SEC16B: variants seen among roughly 807,000 people sequenced by gnomAD.
SEC16B encodes protein transport protein Sec16B.
SEC16B carries 115 observed loss-of-function variants against 141.8 expected under a neutral mutation model. The observed-to-expected ratio is 0.81, with a 90% confidence interval of 0.70 to 0.95. The LOEUF is 0.95. SEC16B is among the 40% of genes least tolerant of loss of function. The pLI, the probability that SEC16B is intolerant of heterozygous loss-of-function variation, is 0.00. For missense variants in SEC16B, 1,291 were observed against 1,312.3 expected, an observed-to-expected ratio of 0.98 and a Z score of 0.25; for synonymous variants, 493 against 492.5, an observed-to-expected ratio of 1.00 and a Z score of -0.01.
At chr1:177,967,432 C>T (rs1408142001) in intron 2 of SEC16B, among the ~76,000 whole-genome samples, 3 of 152,154 alleles carry the variant, frequency 2.0e-5, no homozygotes, top group Non-Finnish European at 2.9e-5. Context: ...TCCCCAAGCC[C>T]CCATACCCAG....
intron 14 of SEC16B, chr1:177,945,974 G>A (rs1651670238): frequency 3.6e-6 from 1 of 274,364 alleles, no homozygotes; most frequent in South Asian, 7.3e-5. Flanking sequence ...GTCATTGTAG[G>A]GATGCTAGGG....
At position 177,961,100 on chromosome 1, in the gene SEC16B, C is replaced by T. The variant is rs190469321; in HGVS notation, c.788-161G>A. 3.6e-5 allele frequency: 25 copies of T among 703,622 alleles called. No homozygotes were observed. In the East Asian group the frequency reaches 6.5e-4, roughly 18 times the overall value. 43.6% of individuals were successfully genotyped at this position (703,622 alleles called of 1,614,324 possible). A position where few individuals can be genotyped will look rare whatever the true frequency, so the allele number is the denominator to read the frequency against. Reference sequence around the variant, plus strand: ...TTAGAAGAAGCCCATGTTCCCTGCTCCAGTCAGATTTAAGCCTCTGAGAAG... The same window carrying T: ...TTAGAAGAAGCCCATGTTCCCTGCTTCAGTCAGATTTAAGCCTCTGAGAAG... On this transcript the variant is annotated intron_variant, in intron 6 of 25. Coordinates refer to ENST00000308284, the MANE Select transcript of SEC16B (RefSeq NM_033127.4).
At chr1:177,943,152 C>A (rs1489675724) in intron 15 of SEC16B, among the ~76,000 whole-genome samples, 1 of 151,996 alleles carries the variant, frequency 6.6e-6, no homozygotes, top group Admixed American at 6.5e-5. Context: ...CAAGCAGCAC[C>A]AAAATAACTG....
rs114890868 is a variant in SEC16B at position 177,980,142 on chromosome 1, T to C, written c.-59+4064A>G. 6.4e-3 allele frequency among the ~76,000 whole-genome samples: 973 copies of C among 152,260 alleles called. 11 individuals carry two copies. The highest frequency in any genetic ancestry group is 0.022 in the African/African-American group (923 of 41,546). On this transcript the variant is annotated intron_variant and NMD_transcript_variant, in intron 1 of 24. Coordinates refer to the SEC16B transcript ENST00000528461. ...ACGAGCTTGCTAGACGTATTCCCTT[T>C]TACACTTAGGATGCAATATTCTGTA...
chr1:177,952,363 AC>A (rs1349741146), intron 11 of SEC16B, among the ~76,000 whole-genome samples: 2 of 150,258 alleles, frequency 1.3e-5, no homozygotes, highest in Non-Finnish European at 3.0e-5. Flanking sequence ...CTCCATCGGC[AC>A]CCCCCTTCTC....
chr1:177,965,029 C>A lies in SEC16B; in HGVS notation c.533+18G>T, dbSNP rs766016301. ...TTTGACAACATCATGTCAAACTGGC[C>A]TCTCCTTTCACACTTACTGGAAGTG... On this transcript the variant is annotated intron_variant, in intron 4 of 25. Coordinates refer to ENST00000308284, the MANE Select transcript of SEC16B (RefSeq NM_033127.4). The A allele has an allele frequency of 1.9e-6, 3 of 1,612,434 alleles. No individual in the cohort carries two copies. Among genetic ancestry groups the A allele is most frequent in the Non-Finnish European group, 2.5e-6 (3 of 1,179,300 alleles).
intron 1 of SEC16B, among the ~76,000 whole-genome samples, chr1:177,980,586 C>A (rs1468851061): frequency 6.6e-6 from 1 of 152,032 alleles, no homozygotes; most frequent in East Asian, 1.9e-4. Context: ...ATTCAGGCCA[C>A]ACTAAGTGGG....
At position 177,929,168 on chromosome 1, in the gene SEC16B, T is replaced by C. The variant is rs542689279; in HGVS notation, c.*690A>G. The C allele has an allele frequency of 6.5e-6, 1 of 153,088 alleles. No homozygotes were observed. The allele number at this position is 153,088 out of a possible 1,614,324, so 9.5% of individuals were successfully genotyped here. A position where few individuals can be genotyped will look rare whatever the true frequency, so the allele number is the denominator to read the frequency against. On this transcript the variant is annotated 3_prime_UTR_variant, in exon 26 of 26. Transcript: ENST00000308284. ...CATCCATCTGCATCATTAGGTTCAG[T>C]AGTTACCATGACAATATGATGCCTA...
intron 15 of SEC16B, 97 bp from the exon 16 acceptor site, chr1:177,942,137 C>A: frequency 7.5e-7 from 1 of 1,341,128 alleles, no homozygotes. Flanking sequence ...CTGTCAGTTT[C>A]CGCTAACTCT....
At position 177,944,565 on chromosome 1, in the gene SEC16B, AAAG is replaced by A. The variant is rs1325395056; in HGVS notation, c.1874_1876del (p.Ser625del). On this transcript the variant is annotated inframe_deletion, in exon 15 of 26. Coordinates refer to ENST00000308284, the MANE Select transcript of SEC16B (RefSeq NM_033127.4). ...GCCTCATCTGGGCTCAGTTACCTGGAAAGAAGGGATGAAGGATTTGGGGCGGCC... is the reference window on the plus strand; with the variant it reads ...GCCTCATCTGGGCTCAGTTACCTGGAAAGGGATGAAGGATTTGGGGCGGCC... 6.2e-7 allele frequency: 1 copy of A among 1,613,146 alleles called. No homozygotes were observed. The highest frequency in any genetic ancestry group is 8.5e-7 in the Non-Finnish European group (1 of 1,179,354).
chr1:177,937,283 T>G lies in SEC16B; in HGVS notation c.2434A>C (p.Ser812Arg). 6.2e-7 allele frequency: 1 copy of G among 1,613,952 alleles called. No homozygotes were observed. Among genetic ancestry groups the G allele is most frequent in the Non-Finnish European group, 8.5e-7 (1 of 1,179,870 alleles). The change falls in exon 19 of 26, where the codon AGC becomes CGC. Residue 812 changes from serine to arginine, a missense_variant. Ser to Arg is a moderately radical substitution (Grantham distance 110). Coordinates refer to ENST00000308284, the MANE Select transcript of SEC16B (RefSeq NM_033127.4). ...CCAGTGGCCTCTGTCACTGCCACGC[T>G]GCTGCCAGTCCCTGGTAGATGGGTC... ...PETHLPGTGS[S>R]VAVTEATGGT...
In SEC16B at chr1:177,933,562, G is replaced by A. The variant is rs370816982; in HGVS notation, c.2646C>T (p.Ser882=). ...ASSAKEDEKE[S]SDEADKNSPR... ...GAGAGTTTTTATCAGCCTCATCAGA[G>A]GACTCCTTCTCATCCTCCTTGGCTG... Residue 882 remains serine, a synonymous_variant, in exon 21 of 26, where the codon TCC becomes TCT. Coordinates refer to ENST00000308284, the MANE Select transcript of SEC16B (RefSeq NM_033127.4). 6.2e-7 allele frequency: 1 copy of A among 1,613,892 alleles called. No individual in the cohort carries two copies.
intron 12 of SEC16B, chr1:177,948,296 G>C: frequency 8.0e-7 from 1 of 1,251,604 alleles, no homozygotes; most frequent in Non-Finnish European, 1.0e-6. Flanking sequence ...GGCTTCAGTG[G>C]GAGAAGGAAG....
chr1:177,942,709 G>A (rs991885687), intron 15 of SEC16B, among the ~76,000 whole-genome samples: 9 of 151,746 alleles, frequency 5.9e-5, no homozygotes, highest in Non-Finnish European at 7.4e-5. Context: ...TGCAAAGGGC[G>A]TCAAGCTAAT....
intron 1 of SEC16B, among the ~76,000 whole-genome samples, chr1:177,977,164 C>T (rs2102024905): frequency 6.6e-6 from 1 of 152,260 alleles, no homozygotes; most frequent in South Asian, 2.1e-4. Context: ...GGGACAGATA[C>T]ACATACACAC....
chr1:177,954,636 G>A (rs1652457468), intron 10 of SEC16B, among the ~76,000 whole-genome samples: 1 of 152,206 alleles, frequency 6.6e-6, no homozygotes, highest in Non-Finnish European at 1.5e-5. Context: ...ATGGTTGCCA[G>A]TTAGCCTCAT....
chr1:177,959,033 G>T lies in SEC16B; in HGVS notation c.999-58C>A, dbSNP rs751371857. ...AGCAGGCAGACACTTCCCTGTTTCG[G>T]ACCCCAGGCTCCTCCTAAGTGTGCA... On this transcript the variant is annotated intron_variant, in intron 8 of 25. Transcript: ENST00000308284. 16 of 1,560,314 alleles carry T rather than the reference G, an allele frequency of 1.0e-5. No homozygotes were observed. In the Admixed American group the frequency reaches 1.9e-4, roughly 18 times the overall value.
chr1:177,946,885 A>G (rs961942800), intron 13 of SEC16B, among the ~76,000 whole-genome samples: 2 of 152,206 alleles, frequency 1.3e-5, no homozygotes, highest in African/African-American at 4.8e-5. Flanking sequence ...GAGACTACTG[A>G]GAGTGGTCGT....
At chr1:177,935,580 G>A (rs893002408) in intron 20 of SEC16B, among the ~76,000 whole-genome samples, 2 of 151,432 alleles carry the variant, frequency 1.3e-5, no homozygotes, top group Non-Finnish European at 2.9e-5. Flanking sequence ...TATTCTGACT[G>A]TTGGATTGAA....
Sources: allele counts gnomAD v4.1 joint callset (sites outside exome capture counted in the v4.1 genomes callset), GRCh38; gene constraint gnomAD v4.1.1; transcripts MANE v1.5; gene names NCBI Gene and HGNC (gene_info 2026-07-23, HGNC 2026-07-21).